RYR3: variants seen among roughly 807,000 people sequenced by gnomAD.
RYR3 encodes the protein brain ryanodine receptor-calcium release channel.
In RYR3, 207 loss-of-function variants were observed where a neutral mutation model predicts 584.3. The ratio of observed to expected loss-of-function variants is 0.35; its 90% CI spans 0.32 to 0.40. RYR3 has a LOEUF of 0.40. Among genes scored for constraint, RYR3 ranks in the 10% least tolerant of loss-of-function variants. The pLI, the probability that RYR3 is intolerant of heterozygous loss-of-function variation, is 1.00. For missense variants in RYR3, 5,616 were observed against 6,089.2 expected (o/e 0.92, Z 2.59); for synonymous variants, 2,416 against 2,248.5 (o/e 1.07, Z -2.11).
chr15:33,751,854 A>T (rs191705107), intron 57 of RYR3, among the ~76,000 whole-genome samples: 24 of 152,176 alleles, frequency 1.6e-4, no homozygotes, highest in Non-Finnish European at 1.5e-5. Context: ...TAGGGCTTTT[A>T]TGGTTTTGGT....
intron 1 of RYR3, among the ~76,000 whole-genome samples, chr15:33,372,567 G>A (rs528959983): frequency 2.6e-5 from 4 of 152,038 alleles, no homozygotes; most frequent in South Asian, 2.1e-4. Context: ...AGGATTCACC[G>A]TGTTAGCCAG....
intron 1 of RYR3, among the ~76,000 whole-genome samples, chr15:33,466,593 C>T (rs1462411837): frequency 6.6e-6 from 1 of 152,162 alleles, no homozygotes; most frequent in African/African-American, 2.4e-5. Context: ...GAGGTGGACA[C>T]TGGACGAGTT....
intron 1 of RYR3, among the ~76,000 whole-genome samples, chr15:33,435,463 GTA>G (rs946726430): frequency 6.6e-6 from 1 of 152,142 alleles, no homozygotes; most frequent in East Asian, 1.9e-4. Flanking sequence ...CTGGATATGT[GTA>G]TGTGTGTGTG....
At chr15:33,355,724 A>G (rs1295005332) in intron 1 of RYR3, among the ~76,000 whole-genome samples, 1 of 152,170 alleles carries the variant, frequency 6.6e-6, no homozygotes, top group Admixed American at 6.5e-5. Flanking sequence ...CACTTGGGCC[A>G]CCAGAAGAAG....
chr15:33,756,660 A>G (rs889977390), intron 59 of RYR3, among the ~76,000 whole-genome samples: 2 of 152,154 alleles, frequency 1.3e-5, no homozygotes, highest in Non-Finnish European at 2.9e-5. Context: ...GCTCACCTGC[A>G]CTGCATCTGT....
intron 9 of RYR3, among the ~76,000 whole-genome samples, chr15:33,549,259 A>G (rs1374852865): frequency 6.6e-6 from 1 of 152,188 alleles, no homozygotes; most frequent in Non-Finnish European, 1.5e-5. Context: ...AGAGGTCAAA[A>G]TAAGTATGTA....
intron 10 of RYR3, among the ~76,000 whole-genome samples, chr15:33,555,603 T>C (rs2057014606): frequency 6.6e-6 from 1 of 152,112 alleles, no homozygotes; most frequent in African/African-American, 2.4e-5. Flanking sequence ...TTCATATGTT[T>C]TGTAAAAAAT....
intron 67 of RYR3, among the ~76,000 whole-genome samples, chr15:33,798,110 G>A (rs567565649): frequency 4.9e-5 from 7 of 144,258 alleles, no homozygotes; most frequent in Non-Finnish European, 1.1e-4. Context: ...TTTTTGAGAT[G>A]GAGTCTTGCT....
chr15:33,476,966 C>A (rs1488299998), intron 2 of RYR3, among the ~76,000 whole-genome samples: 4 of 152,194 alleles, frequency 2.6e-5, no homozygotes, highest in Non-Finnish European at 5.9e-5. Flanking sequence ...GCAACCCTCT[C>A]TTTTGGCTGG....
In RYR3 at chr15:33,788,433, C is replaced by A; in HGVS notation, c.9805C>A (p.Leu3269Met). Residue 3269 changes from leucine (L) to methionine (M), a missense_variant, in exon 67 of 104, where the codon CTG (leucine) becomes ATG (methionine). Leu to Met is a conservative substitution (Grantham distance 15). Coordinates refer to ENST00000634891, the MANE Select transcript of RYR3 (RefSeq NM_001036.6). ...CRDLYAFYPM[L>M]IRYVDNNRSN... is the part of the protein sequence containing the mutation. ...AGATCTCTATGCCTTCTACCCCATG[C>A]TGATCCGCTACGTGGACAACAACAG... 1 of 1,613,922 alleles carries A rather than the reference C, an allele frequency of 6.2e-7. No homozygotes were observed. The highest frequency in any genetic ancestry group is 1.1e-5 in the South Asian group (1 of 91,072).
In RYR3 at chr15:33,750,156, AC is replaced by A. The variant is rs768788343; in HGVS notation, c.8276-3del. The stretch of plus-strand genomic sequence containing the variant: ...CCAAATGTCATCTCTCACCTTACTG[AC>A]CCCAGGTGGTGGCAGCCACCCTCTT... On this transcript the variant is annotated splice_region_variant and splice_polypyrimidine_tract_variant and intron_variant, in intron 56 of 103. Coordinates refer to ENST00000634891, the MANE Select transcript of RYR3 (RefSeq NM_001036.6). The A allele has an allele frequency of 6.2e-7, 1 of 1,609,088 alleles. No homozygotes were observed. The highest frequency in any genetic ancestry group is 1.7e-5 in the Admixed American group (1 of 59,336).
intron 9 of RYR3, among the ~76,000 whole-genome samples, chr15:33,549,413 C>T (rs1306998086): frequency 6.6e-6 from 1 of 152,192 alleles, no homozygotes; most frequent in Non-Finnish European, 1.5e-5. Context: ...TTTCACACAT[C>T]TCTCTTAAAC....
At chr15:33,808,254 A>T (rs1030677424) in intron 70 of RYR3, among the ~76,000 whole-genome samples, 4 of 152,220 alleles carry the variant, frequency 2.6e-5, no homozygotes, top group African/African-American at 9.6e-5. Flanking sequence ...CTTACTTGCT[A>T]TGTGATCTTG....
chr15:33,514,692 T>C (rs951753295), intron 3 of RYR3, among the ~76,000 whole-genome samples: 1 of 152,068 alleles, frequency 6.6e-6, no homozygotes, highest in Admixed American at 6.6e-5. Context: ...TCAGAATCAC[T>C]GCTAGGGTAT....
chr15:33,780,653 C>T (rs183713134), intron 65 of RYR3, among the ~76,000 whole-genome samples: 1 of 152,230 alleles, frequency 6.6e-6, no homozygotes, highest in East Asian at 1.9e-4. Flanking sequence ...CCCTCTGCAC[C>T]TGGGGATGTG....
At chr15:33,575,709 A>G (rs1338923837) in intron 12 of RYR3, among the ~76,000 whole-genome samples, 1 of 152,156 alleles carries the variant, frequency 6.6e-6, no homozygotes, top group Non-Finnish European at 1.5e-5. Flanking sequence ...AAAGAACTGG[A>G]GAACCAAGAG....
At chr15:33,428,754 A>T (rs1169443785) in intron 1 of RYR3, among the ~76,000 whole-genome samples, 7 of 152,168 alleles carry the variant, frequency 4.6e-5, no homozygotes, top group Non-Finnish European at 1.0e-4. Flanking sequence ...CATATTTTTA[A>T]GATGAGTAAT....
intron 62 of RYR3, among the ~76,000 whole-genome samples, chr15:33,771,335 A>G (rs1406193630): frequency 2.0e-5 from 3 of 152,146 alleles, no homozygotes. Flanking sequence ...AGAATTGGAG[A>G]CCATCCTGGC....
chr15:33,649,698 AT>A lies in RYR3; in HGVS notation c.4142+465del, dbSNP rs564627759. On this transcript the variant is annotated intron_variant, in intron 31 of 103. Transcript: ENST00000634891. Reference sequence around the variant, plus strand: ...TGAAAGCATAAGGAATAAAAGAGACATTGAAACTTCATGAATAATAACCACC... The same window carrying A: ...TGAAAGCATAAGGAATAAAAGAGACATGAAACTTCATGAATAATAACCACC... Among the ~76,000 whole-genome samples the A allele has an allele frequency of 2.5e-4, 38 of 152,378 alleles. 1 individual carries two copies. In the South Asian group the frequency reaches 7.7e-3, roughly 31 times the overall value.
Sources: gnomAD v4.1 joint callset for allele counts (sites outside exome capture counted in the v4.1 genomes callset) on GRCh38, gnomAD v4.1.1 for gene constraint, MANE v1.5 for transcripts, NCBI Gene and HGNC (gene_info 2026-07-23, HGNC 2026-07-21) for gene names.